Variants in FAM91A1 observed in about 807,000 individuals in gnomAD.
FAM91A1 encodes protein FAM91A1.
Under a neutral mutation model 113.5 loss-of-function variants are expected in FAM91A1, and 41 were observed. The ratio of observed to expected loss-of-function variants is 0.36; its 90% CI spans 0.28 to 0.47. The LOEUF is 0.47. Among genes scored for constraint, FAM91A1 ranks in the 20% least tolerant of loss-of-function variants. The pLI is 1.00. For missense variants in FAM91A1, 696 were observed against 1,001.2 expected, an observed-to-expected ratio of 0.70 and a Z score of 4.11; for synonymous variants, 307 against 347.9, an observed-to-expected ratio of 0.88 and a Z score of 1.31.
At position 123,799,776 on chromosome 8, in the gene FAM91A1, A is replaced by G; in HGVS notation, c.1700A>G (p.Tyr567Cys). Residue 567 changes from tyrosine to cysteine, a missense_variant, in exon 18 of 24, where the codon TAT (tyrosine) becomes TGT (cysteine). Coordinates refer to ENST00000334705, the MANE Select transcript of FAM91A1 (RefSeq NM_144963.4). The stretch of plus-strand genomic sequence containing the variant: ...CTGTTAATTTCTTTTCAATAGAGTT[A>G]TGATCGATTGCTAATAACATCTTGG... Reference protein sequence around the residue: ...LRKLPDIFQSYDRLLITSWGH... With the variant: ...LRKLPDIFQSCDRLLITSWGH... The G allele has an allele frequency of 6.2e-7, 1 of 1,607,928 alleles. No homozygotes were observed. The highest frequency in any genetic ancestry group is 8.5e-7 in the Non-Finnish European group (1 of 1,177,014).
At chr8:123,779,547 T>C (rs933219660) in intron 6 of FAM91A1, among the ~76,000 whole-genome samples, 1 of 152,184 alleles carries the variant, frequency 6.6e-6, no homozygotes, top group African/African-American at 2.4e-5. Context: ...CTAAATCCAT[T>C]GAGTGGAAGG....
intron 3 of FAM91A1, among the ~76,000 whole-genome samples, chr8:123,776,482 A>C (rs1448284774): frequency 6.6e-6 from 1 of 152,194 alleles, no homozygotes; most frequent in African/African-American, 2.4e-5. Context: ...ACTGGAGGAA[A>C]GCGAGAGGCC....
intron 15 of FAM91A1, among the ~76,000 whole-genome samples, chr8:123,796,966 C>T (rs1427042683): frequency 6.6e-6 from 1 of 151,724 alleles, no homozygotes; most frequent in Non-Finnish European, 1.5e-5. Context: ...GAGGCTGAGG[C>T]AGGAGAATCA....
intron 8 of FAM91A1, among the ~76,000 whole-genome samples, chr8:123,784,081 G>A (rs1020289593): frequency 6.6e-6 from 1 of 152,142 alleles, no homozygotes; most frequent in Admixed American, 6.5e-5. Context: ...TTGCTTTTCA[G>A]CTTTGGCCCA....
At chr8:123,777,240 A>G (rs1383649250) in intron 3 of FAM91A1, 25 bp from the exon 4 acceptor site, 4 of 1,489,158 alleles carry the variant, frequency 2.7e-6, no homozygotes, top group Non-Finnish European at 3.7e-6. Context: ...TAGATTTCAA[A>G]TTTAAATTTT....
intron 15 of FAM91A1, among the ~76,000 whole-genome samples, chr8:123,793,404 C>T (rs1010359328): frequency 6.6e-6 from 1 of 152,140 alleles, no homozygotes; most frequent in Non-Finnish European, 1.5e-5. Flanking sequence ...CCCACTTGAG[C>T]AGTTCTGCCA....
intron 18 of FAM91A1, among the ~76,000 whole-genome samples, chr8:123,800,420 C>T (rs1815645011): frequency 1.3e-5 from 2 of 152,196 alleles, no homozygotes; most frequent in South Asian, 4.2e-4. Flanking sequence ...ATACTATACT[C>T]ACCTATTTTC....
chr8:123,802,703 G>A (rs564908169), intron 18 of FAM91A1, among the ~76,000 whole-genome samples: 1 of 152,282 alleles, frequency 6.6e-6, no homozygotes, highest in Admixed American at 6.5e-5. Flanking sequence ...ATATAGTATG[G>A]GGTGGTCGTG....
At chr8:123,776,761 G>T (rs561820881) in intron 3 of FAM91A1, among the ~76,000 whole-genome samples, 2 of 152,320 alleles carry the variant, frequency 1.3e-5, no homozygotes, top group East Asian at 1.9e-4. Flanking sequence ...CAGTGGGTTT[G>T]TTATTGGAGA....
At chr8:123,784,373 A>G (rs1815198951) in intron 8 of FAM91A1, 97 bp from the exon 9 acceptor site, 1 of 831,848 alleles carries the variant, frequency 1.2e-6, no homozygotes, top group Non-Finnish European at 1.8e-6. Flanking sequence ...TTCAGTCCCT[A>G]AGTTAGAGGT....
chr8:123,793,025 C>G (rs112259256), intron 15 of FAM91A1, among the ~76,000 whole-genome samples: 1 of 152,156 alleles, frequency 6.6e-6, no homozygotes, highest in Non-Finnish European at 1.5e-5. Flanking sequence ...CACCCTCAAC[C>G]TAAGCCAGGA....
intron 1 of FAM91A1, among the ~76,000 whole-genome samples, chr8:123,769,986 C>CCTT (rs68001260): frequency 0.74 from 111,737 of 151,764 alleles, 41,233 homozygotes; most frequent in Middle Eastern, 0.85. Flanking sequence ...GACAGAGTCT[C>CCTT]CTGTTGCCCA....
chr8:123,773,090 G>C (rs1159712028), intron 1 of FAM91A1, among the ~76,000 whole-genome samples: 2 of 152,102 alleles, frequency 1.3e-5, no homozygotes, highest in Non-Finnish European at 2.9e-5. Context: ...GCACATAATT[G>C]TACAGTTAAA....
rs995826749 is a variant in FAM91A1, at chr8:123,786,392, A to G, written c.963-103A>G. On this transcript the variant is annotated intron_variant, in intron 11 of 23. Coordinates refer to ENST00000334705, the MANE Select transcript of FAM91A1 (RefSeq NM_144963.4). The stretch of plus-strand genomic sequence containing the variant: ...ATTTTGGGCTTGAATATAAGACTGA[A>G]TTTTGATGGATTGTTCATAATTTAA... 31 of 885,142 alleles carry G rather than the reference A, an allele frequency of 3.5e-5. No homozygotes were observed. The African/African-American group carries it at 4.5e-4, about 13-fold the overall frequency. The allele number at this position is 885,142 out of a possible 1,614,324, so 54.8% of individuals were successfully genotyped here.
chr8:123,794,871 A>G (rs72715041), intron 15 of FAM91A1, among the ~76,000 whole-genome samples: 2,402 of 152,348 alleles, frequency 0.016, 37 homozygotes, highest in Middle Eastern at 0.031. Flanking sequence ...GTTGCCCATC[A>G]TTTCAAGATA....
chr8:123,790,795 T>TAGG (rs975165437), intron 15 of FAM91A1, among the ~76,000 whole-genome samples: 64 of 152,328 alleles, frequency 4.2e-4, no homozygotes, highest in African/African-American at 1.4e-3. Flanking sequence ...TTAATATGCC[T>TAGG]TATCTGAAGA....
At chr8:123,798,272 G>A in intron 16 of FAM91A1, 34 bp downstream of exon 16, 1 of 1,605,582 alleles carries the variant, frequency 6.2e-7, no homozygotes, top group Non-Finnish European at 8.5e-7. Flanking sequence ...ACTTGGTAGT[G>A]TCATGAGTCC....
chr8:123,799,900 T>C lies in FAM91A1; in HGVS notation c.1809+15T>C, dbSNP rs1423967188. 1.3e-6 allele frequency: 2 copies of C among 1,545,458 alleles called. No homozygotes were observed. The highest frequency in any genetic ancestry group is 1.9e-5 in the Admixed American group (1 of 51,308). On this transcript the variant is annotated intron_variant, in intron 18 of 23. Coordinates refer to ENST00000334705, the MANE Select transcript of FAM91A1 (RefSeq NM_144963.4). ...TTTTAATTCAGGTACATTTATCTTA[T>C]TTGAAATTTTGTCTTTTTATTATAA...
At chr8:123,778,846 A>G (rs1815051329) in intron 6 of FAM91A1, 74 bp downstream of exon 6, 1 of 999,832 alleles carries the variant, frequency 1.0e-6, no homozygotes, top group Non-Finnish European at 1.4e-6. Context: ...TATAGCTTAT[A>G]ATTTTTTAAA....
Sources: allele counts gnomAD v4.1 joint callset (sites outside exome capture counted in the v4.1 genomes callset), GRCh38; gene constraint gnomAD v4.1.1; transcripts MANE v1.5; gene names NCBI Gene and HGNC (gene_info 2026-07-23, HGNC 2026-07-21).